Variants in JAKMIP3 observed in about 807,000 individuals in gnomAD.
The protein encoded by JAKMIP3 is Janus kinase and microtubule interacting protein 3.
A neutral mutation model predicts 118.5 loss-of-function variants in JAKMIP3; 58 were observed. That is an observed-to-expected ratio of 0.49 (90% CI 0.40 to 0.61). JAKMIP3 has a LOEUF of 0.61. Among genes scored for constraint, JAKMIP3 ranks in the 20% least tolerant of loss-of-function variants. The probability of loss-of-function intolerance (pLI) is 0.00; values close to 1 mark genes in which losing one functional copy is unlikely to be tolerated. For missense variants in JAKMIP3, 950 were observed against 1,109.0 expected (o/e 0.86, Z 2.04); for synonymous variants, 486 against 451.2 (o/e 1.08, Z -0.98).
chr10:132,137,385 A>C (rs2052020590), intron 8 of JAKMIP3, 96 bp downstream of exon 8: 2 of 1,474,848 alleles, frequency 1.4e-6, no homozygotes, highest in African/African-American at 1.4e-5. Flanking sequence ...CAGACCAGAC[A>C]GAAGCGGCCG....
At chr10:132,152,610 G>C (rs2056409142) in intron 16 of JAKMIP3, among the ~76,000 whole-genome samples, 1 of 152,216 alleles carries the variant, frequency 6.6e-6, no homozygotes, top group Non-Finnish European at 1.5e-5. Flanking sequence ...AACACAGAAG[G>C]GGACAGAGGC....
chr10:132,150,014 G>A lies in JAKMIP3; in HGVS notation c.1980G>A (p.Leu660=), dbSNP rs753897069. Residue 660 remains leucine (L), a synonymous_variant, in exon 16 of 24, where the codon CTG becomes CTA. Transcript: ENST00000684848. Reference sequence around the variant, plus strand: ...TGGTTGCGGAGCTGATGAAGAAGCTGGACATCCTGGGCGATAACGCCGTAA... The same window carrying A: ...TGGTTGCGGAGCTGATGAAGAAGCTAGACATCCTGGGCGATAACGCCGTAA... ...DIVVAELMKK[L]DILGDNAVSN... 2.0e-5 allele frequency: 32 copies of A among 1,588,726 alleles called. No individual in the cohort carries two copies. In the South Asian group the frequency reaches 3.5e-4, roughly 17 times the overall value.
rs550533277 is a variant in JAKMIP3 at position 132,091,603 on chromosome 10, T to G, written c.-137-13069T>G. On this transcript the variant is annotated intron_variant, in intron 1 of 23. Transcript: ENST00000684848. ...GAGACTAGGATTGCAACCCCTGCTT[T>G]TTTTGTTTTCCATTTGCTTGGTAGA... Among the ~76,000 whole-genome samples the G allele has an allele frequency of 1.2e-3, 180 of 152,316 alleles. 1 individual carries two copies. The highest frequency in any genetic ancestry group is 2.3e-3 in the Non-Finnish European group (154 of 68,020).
At chr10:132,156,018 C>T (rs2136277478) in intron 19 of JAKMIP3, among the ~76,000 whole-genome samples, 1 of 152,262 alleles carries the variant, frequency 6.6e-6, no homozygotes, top group African/African-American at 2.4e-5. Flanking sequence ...ATGCTTTGGT[C>T]AGAAGGAAGG....
At position 132,179,584 on chromosome 10, in the gene JAKMIP3, C is replaced by T. The variant is rs931699931; in HGVS notation, c.*1104-2773C>T. Among the ~76,000 whole-genome samples the T allele has an allele frequency of 6.6e-6, 1 of 152,072 alleles. No individual in the cohort carries two copies. The highest frequency in any genetic ancestry group is 1.5e-5 in the Non-Finnish European group (1 of 68,004). ...GAAGGCAATTCGCAGCCCCATGTTC[C>T]CCCCACCCCCCACACTTCCAGGCAA... is the stretch of plus-strand genomic sequence containing the variant. On this transcript the variant is annotated intron_variant, in intron 23 of 23. Coordinates refer to ENST00000684848, the MANE Select transcript of JAKMIP3 (RefSeq NM_001323087.2). This position sits in a 1 kb window ranked among gnomAD's most constrained non-coding sequence, Gnocchi z 4.3.
chr10:132,124,762 C>T (rs1200690507), intron 3 of JAKMIP3, among the ~76,000 whole-genome samples: 5 of 152,226 alleles, frequency 3.3e-5, no homozygotes, highest in Non-Finnish European at 5.9e-5. Flanking sequence ...GTTCATGGGG[C>T]GACGAGGGGA....
chr10:132,147,532 AC>A (rs1337876330), intron 13 of JAKMIP3, among the ~76,000 whole-genome samples: 1 of 152,174 alleles, frequency 6.6e-6, no homozygotes, highest in African/African-American at 2.4e-5. Context: ...CCCGGGAGCC[AC>A]CTGGGACATT....
intron 1 of JAKMIP3, among the ~76,000 whole-genome samples, chr10:132,057,605 T>C: frequency 6.6e-6 from 1 of 152,232 alleles, no homozygotes; most frequent in East Asian, 1.9e-4. Flanking sequence ...AGGCTGGCGA[T>C]TCCTGTCGTC....
At chr10:132,142,437 G>T (rs1032597390) in intron 11 of JAKMIP3, among the ~76,000 whole-genome samples, 1 of 152,144 alleles carries the variant, frequency 6.6e-6, no homozygotes, top group Non-Finnish European at 1.5e-5. Flanking sequence ...ACTTGTGGAG[G>T]TCATTCATCC....
chr10:132,162,499 C>T (rs761493722), intron 19 of JAKMIP3, among the ~76,000 whole-genome samples: 1 of 152,180 alleles, frequency 6.6e-6, no homozygotes, highest in African/African-American at 2.4e-5. Flanking sequence ...GGTTGATGTG[C>T]GAGCTGGTTG....
At chr10:132,157,006 TG>T (rs1472505171) in intron 19 of JAKMIP3, among the ~76,000 whole-genome samples, 1 of 152,174 alleles carries the variant, frequency 6.6e-6, no homozygotes, top group Non-Finnish European at 1.5e-5. Flanking sequence ...TCTCTCCTGA[TG>T]GTCTCTTGGC....
chr10:132,041,374 C>T lies in JAKMIP3; in HGVS notation c.-138+4636C>T, dbSNP rs138618259. On this transcript the variant is annotated intron_variant, in intron 1 of 23. Transcript: ENST00000657785. ...GGTGGTAGGTGCCAGTGGGAACAGC[C>T]AGGGTGGGGAACCCTGAGAGGAGGT... 3.2e-3 allele frequency among the ~76,000 whole-genome samples: 490 copies of T among 152,280 alleles called. 3 individuals are homozygous for T. Among genetic ancestry groups the T allele is most frequent in the South Asian group, 0.018 (88 of 4,828 alleles).
Position 132,146,129 on chromosome 10 carries a change from G to GCCCCCA in JAKMIP3, c.1749+571_1749+576dup, listed in dbSNP as rs1170830974. Reference sequence around the variant, plus strand: ...CAAGAGGCTCCTGAAGTGCTGCCCCGCCCCCACCCCCACCCCCACCCCCAC... The same window carrying GCCCCCA: ...CAAGAGGCTCCTGAAGTGCTGCCCCGCCCCCACCCCCACCCCCACCCCCACCCCCAC... On this transcript the variant is annotated intron_variant, in intron 13 of 23. Coordinates refer to ENST00000684848, the MANE Select transcript of JAKMIP3 (RefSeq NM_001323087.2). 5.5e-3 allele frequency among the ~76,000 whole-genome samples: 548 copies of GCCCCCA among 100,010 alleles called. 1 individual carries two copies. Among genetic ancestry groups the GCCCCCA allele is most frequent in the Middle Eastern group, 0.019 (4 of 208 alleles). 65.6% of individuals were successfully genotyped at this position (100,010 alleles called of 152,430 possible).
intron 2 of JAKMIP3, among the ~76,000 whole-genome samples, chr10:132,115,199 G>A (rs11146191): frequency 0.2 from 20,957 of 102,986 alleles, 1,626 homozygotes; most frequent in Non-Finnish European, 0.24. Flanking sequence ...AGGTCACCGC[G>A]ATCGCGGCTA....
At chr10:132,148,919 A>G (rs1234263677) in intron 14 of JAKMIP3, among the ~76,000 whole-genome samples, 1 of 152,098 alleles carries the variant, frequency 6.6e-6, no homozygotes, top group Non-Finnish European at 1.5e-5. Flanking sequence ...GCCTCTTAAG[A>G]GTCTGCCCGT....
chr10:132,152,263 C>T (rs919739683), intron 16 of JAKMIP3, among the ~76,000 whole-genome samples: 3 of 152,218 alleles, frequency 2.0e-5, no homozygotes, highest in South Asian at 2.1e-4. Flanking sequence ...AGGGAGCTTG[C>T]ACTCTAGGGA....
chr10:132,171,678 G>A (rs1340696616), intron 23 of JAKMIP3, among the ~76,000 whole-genome samples: 1 of 146,014 alleles, frequency 6.8e-6, no homozygotes, highest in African/African-American at 2.6e-5. Flanking sequence ...TTTGAGACAG[G>A]GTCTTTCTCT....
chr10:132,104,835 G>A lies in JAKMIP3; in HGVS notation c.27G>A (p.Arg9=). 6.4e-7 allele frequency: 1 copy of A among 1,553,532 alleles called. No individual in the cohort carries two copies. The highest frequency in any genetic ancestry group is 8.7e-7 in the Non-Finnish European group (1 of 1,148,434). ...TGTCCAAGAGGGGCATGAGCAGCCG[G>A]GCCAAGGGGGACAAGGCAGAGGCCC... The part of the protein sequence containing the change: MSKRGMSS[R]AKGDKAEALA... Residue 9 remains arginine, a synonymous_variant, in exon 2 of 24, where the codon CGG becomes CGA. Transcript: ENST00000684848.
intron 1 of JAKMIP3, among the ~76,000 whole-genome samples, chr10:132,041,602 C>G (rs566020771): frequency 2.4e-3 from 367 of 152,372 alleles, no homozygotes; most frequent in African/African-American, 8.5e-3. Flanking sequence ...CCGACACCCC[C>G]ACTCCTTTCC....
Sources: allele counts gnomAD v4.1 joint callset (sites outside exome capture counted in the v4.1 genomes callset), GRCh38; gene constraint gnomAD v4.1.1; non-coding constraint Gnocchi (gnomAD v3.1); transcripts MANE v1.5; gene names NCBI Gene and HGNC (gene_info 2026-07-23, HGNC 2026-07-21).